The following STK32B variants were observed in gnomAD, a reference collection of about 807,000 sequenced individuals.
STK32B encodes the protein serine/threonine-protein kinase 32B.
STK32B carries 43 observed loss-of-function variants against 52.6 expected under a neutral mutation model. That is an observed-to-expected ratio of 0.82 (90% CI 0.64 to 1.05). The LOEUF (loss-of-function observed/expected upper bound fraction) is 1.05. STK32B is among the 50% of genes least tolerant of loss of function. The pLI is 0.00. For synonymous variants in STK32B, 238 were observed against 204.3 expected (o/e 1.17, Z -1.41); for missense variants, 621 against 534.6 (o/e 1.16, Z -1.59).
At chr4:5,050,409 AT>A (rs141297089), upstream of STK32B, among the ~76,000 whole-genome samples, 19,579 of 151,062 alleles carry the variant, frequency 0.13, 1,506 homozygotes, top group Middle Eastern at 0.23. Context: ...CCTTTAAGAG[AT>A]TTTTTGTTTT....
chr4:5,093,456 G>A (rs11940607), intron 1 of STK32B, among the ~76,000 whole-genome samples: 4,115 of 151,946 alleles, frequency 0.027, 177 homozygotes, highest in African/African-American at 0.094. Context: ...AGCAACTATC[G>A]CAAGGACAAA....
At chr4:5,368,459 C>T (rs901828456) in intron 4 of STK32B, among the ~76,000 whole-genome samples, 29 of 151,132 alleles carry the variant, frequency 1.9e-4, no homozygotes, top group Admixed American at 3.3e-4. Flanking sequence ...TACTATTATT[C>T]CTAATTATAA....
At chr4:5,055,346 G>A (rs991700262) in intron 1 of STK32B, among the ~76,000 whole-genome samples, 3 of 151,334 alleles carry the variant, frequency 2.0e-5, no homozygotes, top group Non-Finnish European at 4.4e-5. Context: ...AATTGGCTCT[G>A]GCCATTTCTT....
At chr4:5,475,105 A>G (rs1239713346) in intron 11 of STK32B, among the ~76,000 whole-genome samples, 1 of 152,104 alleles carries the variant, frequency 6.6e-6, no homozygotes, top group Non-Finnish European at 1.5e-5. Flanking sequence ...CAATCAAGAC[A>G]CTGCATGGGA....
chr4:5,256,874 G>A (rs568144157), intron 3 of STK32B, among the ~76,000 whole-genome samples: 71 of 152,290 alleles, frequency 4.7e-4, no homozygotes, highest in African/African-American at 1.7e-3. Flanking sequence ...CTGTGAGGAT[G>A]GATATTGGGG....
intron 3 of STK32B, among the ~76,000 whole-genome samples, chr4:5,269,729 A>G (rs527720657): frequency 2.6e-5 from 4 of 152,334 alleles, no homozygotes; most frequent in East Asian, 1.9e-4. Flanking sequence ...TATTATAGAA[A>G]AAAATTAGTG....
In STK32B at chr4:5,051,565, C is replaced by A; in HGVS notation, c.-299C>A. 2.6e-6 allele frequency: 1 copy of A among 388,898 alleles called. No homozygotes were observed. The highest frequency in any genetic ancestry group is 4.5e-6 in the Non-Finnish European group (1 of 220,278). 24.1% of individuals were successfully genotyped at this position (388,898 alleles called of 1,614,324 possible). A position where few individuals can be genotyped will look rare whatever the true frequency, so the allele number is the denominator to read the frequency against. On this transcript the variant is annotated 5_prime_UTR_variant, in exon 1 of 12. Coordinates refer to ENST00000282908, the MANE Select transcript of STK32B (RefSeq NM_018401.3). ...GGAGCGCCGCACGTTGGCCCCGGCG[C>A]GAGGAGCTCCCGGGTTCCCGGGCGG... is the stretch of plus-strand genomic sequence containing the variant.
At chr4:5,093,043 T>C (rs4689982) in intron 1 of STK32B, among the ~76,000 whole-genome samples, 23,969 of 152,172 alleles carry the variant, frequency 0.16, 2,364 homozygotes, top group African/African-American at 0.28. Context: ...GGTCCACTTA[T>C]ATGTAGGTAT....
chr4:5,373,066 G>A (rs1389580797), intron 4 of STK32B, among the ~76,000 whole-genome samples: 2 of 152,212 alleles, frequency 1.3e-5, no homozygotes, highest in African/African-American at 4.8e-5. Context: ...AAAAAGCTTT[G>A]TGGAGGGTGG....
At chr4:5,174,251 A>G (rs1329458501) in intron 3 of STK32B, among the ~76,000 whole-genome samples, 1 of 152,026 alleles carries the variant, frequency 6.6e-6, no homozygotes, top group Non-Finnish European at 1.5e-5. Context: ...TTGACTCTTT[A>G]TCCAGTTTGC....
intron 6 of STK32B, among the ~76,000 whole-genome samples, chr4:5,428,966 A>C (rs951583138): frequency 6.6e-6 from 1 of 152,210 alleles, no homozygotes; most frequent in Non-Finnish European, 1.5e-5. Context: ...AATGTCTAAC[A>C]GCTAGTTCTC....
chr4:5,439,333 T>C (rs968651721), intron 6 of STK32B, among the ~76,000 whole-genome samples: 2 of 151,644 alleles, frequency 1.3e-5, no homozygotes, highest in Non-Finnish European at 3.0e-5. Context: ...TGGTTTGGAT[T>C]TGCATTTCTC....
At chr4:5,428,651 A>G (rs184186014) in intron 6 of STK32B, among the ~76,000 whole-genome samples, 79 of 152,278 alleles carry the variant, frequency 5.2e-4, no homozygotes, top group Admixed American at 7.8e-4. Context: ...ATAAATGTCA[A>G]TTAGGTCAAG....
the STK32B span, among the ~76,000 whole-genome samples, chr4:5,033,129 C>A: frequency 2.6e-5 from 4 of 152,166 alleles, no homozygotes; most frequent in Admixed American, 2.0e-4. Context: ...CCACCAAACA[C>A]CCCACACACT....
chr4:5,424,887 A>G (rs4371561), intron 6 of STK32B, among the ~76,000 whole-genome samples: 32,666 of 152,222 alleles, frequency 0.21, 5,724 homozygotes, highest in African/African-American at 0.47. Flanking sequence ...GGAGCTCCCC[A>G]AGCCAGGGCT....
intron 5 of STK32B, among the ~76,000 whole-genome samples, chr4:5,402,027 C>T (rs1190878005): frequency 1.3e-5 from 2 of 152,252 alleles, no homozygotes; most frequent in African/African-American, 2.4e-5. Context: ...CTCAGCCCTG[C>T]TCCTTGAGCT....
chr4:5,229,528 T>G (rs1724107426), intron 3 of STK32B, among the ~76,000 whole-genome samples: 1 of 152,204 alleles, frequency 6.6e-6, no homozygotes, highest in African/African-American at 2.4e-5. Context: ...CTCCCTGATA[T>G]GTCAGTTTCA....
chr4:5,471,358 G>C (rs868288669), intron 11 of STK32B, among the ~76,000 whole-genome samples: 65 of 152,280 alleles, frequency 4.3e-4, no homozygotes, highest in African/African-American at 1.5e-3. Flanking sequence ...GACAAGAGAA[G>C]AGGTGCAGGC....
chr4:5,412,961 G>C (rs577062657), intron 5 of STK32B, among the ~76,000 whole-genome samples: 52 of 152,136 alleles, frequency 3.4e-4, no homozygotes, highest in African/African-American at 1.2e-3. Flanking sequence ...CCCTTCCTGA[G>C]CTCCTTTCCT....
Sources: gnomAD v4.1 joint callset for allele counts (sites outside exome capture counted in the v4.1 genomes callset) on GRCh38, gnomAD v4.1.1 for gene constraint, MANE v1.5 for transcripts, NCBI Gene and HGNC (gene_info 2026-07-23, HGNC 2026-07-21) for gene names.